Variants in TRPM2 observed in about 807,000 individuals in gnomAD.
TRPM2 encodes the protein transient receptor potential cation channel subfamily M member 2, also known as estrogen-responsive element-associated gene 1 protein.
Under a neutral mutation model 174.0 loss-of-function variants are expected in TRPM2, and 161 were observed. The observed-to-expected ratio is 0.93, with a 90% CI of 0.81 to 1.05. TRPM2 has a LOEUF of 1.05. Among genes scored for constraint, TRPM2 ranks in the 50% least tolerant of loss-of-function variants. The probability of loss-of-function intolerance (pLI) is 0.00; values close to 1 mark genes in which losing one functional copy is unlikely to be tolerated. For missense variants in TRPM2, 2,057 were observed against 2,038.0 expected (o/e 1.01, Z -0.18); for synonymous variants, 954 against 861.3 (o/e 1.11, Z -1.88).
rs2048010319 is a variant in TRPM2, at chr21:44,354,847, T to TA, written c.254+112dup. On this transcript the variant is annotated intron_variant, in intron 2 of 31. Transcript: ENST00000397928. The surrounding 1 kb of genome is among the most constrained non-coding windows in gnomAD (Gnocchi z 4.3). ...GGCCTCAGTGAAGGGTCACTGGAGA[T>TA]ACCTCTGTCTCCATACGAGGCTTAG... 4.4e-6 allele frequency: 4 copies of TA among 903,226 alleles called. No homozygotes were observed. The highest frequency in any genetic ancestry group is 4.1e-5 in the South Asian group (3 of 72,312). 56.0% of individuals were successfully genotyped at this position (903,226 alleles called of 1,614,324 possible). A position where few individuals can be genotyped will look rare whatever the true frequency, so the allele number is the denominator to read the frequency against.
chr21:44,428,116 A>G (rs1234134742), intron 27 of TRPM2, among the ~76,000 whole-genome samples: 1 of 152,150 alleles, frequency 6.6e-6, no homozygotes, highest in Non-Finnish European at 1.5e-5. Flanking sequence ...TGTATGCACC[A>G]TGCTTCTGTT....
In TRPM2 at chr21:44,432,524, C is replaced by G. The variant is rs867823561; in HGVS notation, c.3975-2607C>G. 1.3e-5 allele frequency among the ~76,000 whole-genome samples: 2 copies of G among 152,204 alleles called. No individual in the cohort carries two copies. The highest frequency in any genetic ancestry group is 4.8e-5 in the African/African-American group (2 of 41,450). ...ATACATTTGTGGGCATTGTTCACCC[C>G]AGTGCATCTTTGTGCTAGACCCATC... On this transcript the variant is annotated intron_variant, in intron 27 of 31. Transcript: ENST00000397928. The surrounding 1 kb of genome is among the most constrained non-coding windows in gnomAD (Gnocchi z 4.9).
chr21:44,424,118 A>AC (rs1409971660), intron 23 of TRPM2, among the ~76,000 whole-genome samples: 1 of 151,426 alleles, frequency 6.6e-6, no homozygotes, highest in African/African-American at 2.4e-5. Context: ...TGCTCCCACC[A>AC]CCCCATCAAC....
At chr21:44,389,066 C>A (rs2049097716) in intron 9 of TRPM2, among the ~76,000 whole-genome samples, 1 of 152,146 alleles carries the variant, frequency 6.6e-6, no homozygotes, top group African/African-American at 2.4e-5. Flanking sequence ...TCCCTCATGG[C>A]CCTTTGTAGT....
At chr21:44,375,298 G>A (rs984430790) in intron 5 of TRPM2, among the ~76,000 whole-genome samples, 12 of 152,194 alleles carry the variant, frequency 7.9e-5, no homozygotes, top group African/African-American at 2.9e-4. Flanking sequence ...AAATCCTCCC[G>A]TCGTCTCCCC....
At chr21:44,365,036 G>A (rs1004108236) in intron 3 of TRPM2, among the ~76,000 whole-genome samples, 3 of 151,922 alleles carry the variant, frequency 2.0e-5, no homozygotes, top group Non-Finnish European at 4.4e-5. Flanking sequence ...TCTGAGACTC[G>A]CGTGTTGACC....
At chr21:44,397,133 T>A (rs1010173374) in intron 12 of TRPM2, among the ~76,000 whole-genome samples, 5 of 151,236 alleles carry the variant, frequency 3.3e-5, no homozygotes, top group African/African-American at 7.3e-5. Context: ...CTGCCTACCG[T>A]GTTCAAGCGA....
At chr21:44,421,984 C>T (rs1230848898) in intron 22 of TRPM2, among the ~76,000 whole-genome samples, 5 of 152,336 alleles carry the variant, frequency 3.3e-5, no homozygotes, top group African/African-American at 7.2e-5. Flanking sequence ...TCCGCTGGGC[C>T]GCTGGCTGGT....
At position 44,427,115 on chromosome 21, in the gene TRPM2, A is replaced by C. The variant is rs1376110782; in HGVS notation, c.3974+4A>C. The C allele has an allele frequency of 2.5e-6, 4 of 1,582,032 alleles. No homozygotes were observed. The highest frequency in any genetic ancestry group is 3.4e-6 in the Non-Finnish European group (4 of 1,164,162). ...CAGTGCAGGCCGGGTTGCCCCTGTG[A>C]GTGTGCCCCCTGCGGGCCCCGCCCC... On this transcript the variant is annotated splice_donor_region_variant and intron_variant, in intron 27 of 31. Transcript: ENST00000397928.
rs541805145 is a variant in TRPM2 at position 44,363,063 on chromosome 21, C to T, written c.255-1051C>T. 8.5e-5 allele frequency among the ~76,000 whole-genome samples: 13 copies of T among 152,178 alleles called. No individual in the cohort carries two copies. In the East Asian group the frequency reaches 1.9e-3, roughly 23 times the overall value. ...CTGGGATTATAGGCGTGAGCCACTG[C>T]GCCTCGCCGCTTTTAAAAGTTTTTA... On this transcript the variant is annotated intron_variant, in intron 2 of 31. Coordinates refer to ENST00000397928, the MANE Select transcript of TRPM2 (RefSeq NM_003307.4).
At chr21:44,413,553 A>C (rs371045312) in intron 19 of TRPM2, among the ~76,000 whole-genome samples, 2 of 151,940 alleles carry the variant, frequency 1.3e-5, no homozygotes, top group Admixed American at 1.3e-4. Context: ...TTTCCTTTTA[A>C]ATTATTTCCA....
chr21:44,400,188 C>T, intron 14 of TRPM2, 71 bp from the exon 15 acceptor site: 2 of 1,353,478 alleles, frequency 1.5e-6, no homozygotes, highest in South Asian at 1.3e-5. Context: ...GAGTCCTCAG[C>T]AGACAGCTGA....
rs994546763 is a variant in TRPM2, at chr21:44,353,744, A to C, written c.44A>C (p.Glu15Ala). Residue 15 changes from glutamate (E) to alanine (A), a missense_variant, in exon 1 of 32, where the codon GAG becomes GCG. Transcript: ENST00000397928. Reference protein sequence around the residue: ...ALRKAGSEQEEGFEGLPRRVT... With the variant: ...ALRKAGSEQEAGFEGLPRRVT... ...AGGAAAGCTGGCTCGGAGCAGGAGG[A>C]GGGCTTTGAGGGGCTGCCCAGAAGG... 21 of 1,587,902 alleles carry C rather than the reference A, an allele frequency of 1.3e-5. No homozygotes were observed. Among genetic ancestry groups the C allele is most frequent in the Non-Finnish European group, 1.5e-5 (18 of 1,169,568 alleles).
chr21:44,434,741 C>T (rs563981077), intron 27 of TRPM2, among the ~76,000 whole-genome samples: 49 of 152,222 alleles, frequency 3.2e-4, no homozygotes, highest in African/African-American at 1.1e-3. Context: ...CACTGCCCCT[C>T]GGAAGGCTGC....
intron 9 of TRPM2, among the ~76,000 whole-genome samples, chr21:44,387,711 A>G (rs531259692): frequency 4.9e-4 from 75 of 152,202 alleles, no homozygotes; most frequent in Non-Finnish European, 7.5e-4. Flanking sequence ...TAAAAAAAAA[A>G]CACAATTCAA....
chr21:44,384,556 C>G (rs1338744942), intron 9 of TRPM2, among the ~76,000 whole-genome samples: 1 of 152,178 alleles, frequency 6.6e-6, no homozygotes, highest in Non-Finnish European at 1.5e-5. Flanking sequence ...CTAACCCACT[C>G]CCAAAATAAG....
intron 16 of TRPM2, among the ~76,000 whole-genome samples, chr21:44,403,675 G>A (rs1019579018): frequency 1.4e-5 from 2 of 142,004 alleles, no homozygotes; most frequent in Non-Finnish European, 3.0e-5. Flanking sequence ...ATACACACAT[G>A]CATACACATA....
chr21:44,357,556 C>T (rs2146117701), intron 2 of TRPM2, among the ~76,000 whole-genome samples: 1 of 152,326 alleles, frequency 6.6e-6, no homozygotes, highest in East Asian at 1.9e-4. Context: ...ATGCATGCTC[C>T]TTCCTCTAGC....
At chr21:44,397,020 C>T (rs2049449505) in intron 12 of TRPM2, among the ~76,000 whole-genome samples, 1 of 150,814 alleles carries the variant, frequency 6.6e-6, no homozygotes, top group African/African-American at 2.4e-5. Context: ...GAACAAAGAA[C>T]TTAGCTCTAG....
Sources: gnomAD v4.1 joint callset for allele counts (sites outside exome capture counted in the v4.1 genomes callset) on GRCh38, gnomAD v4.1.1 for gene constraint, Gnocchi (gnomAD v3.1) non-coding constraint, MANE v1.5 for transcripts, NCBI Gene and HGNC (gene_info 2026-07-23, HGNC 2026-07-21) for gene names.